DGKB: variants seen among roughly 807,000 people sequenced by gnomAD.
DGKB encodes 90 kDa diacylglycerol kinase.
Under a neutral mutation model 114.3 loss-of-function variants are expected in DGKB, and 67 were observed. That is an observed-to-expected ratio of 0.59 (90% CI 0.48 to 0.72). The LOEUF is 0.72. DGKB is among the 30% of genes least tolerant of loss of function. The pLI is 0.00. For missense variants in DGKB, 907 were observed against 975.2 expected, an observed-to-expected ratio of 0.93 and a Z score of 0.93; for synonymous variants, 398 against 323.1, an observed-to-expected ratio of 1.23 and a Z score of -2.49.
chr7:14,668,520 T>G (rs1010041666), intron 13 of DGKB, among the ~76,000 whole-genome samples: 3 of 152,108 alleles, frequency 2.0e-5, no homozygotes, highest in Non-Finnish European at 4.4e-5. Flanking sequence ...TGTTTCTCAG[T>G]TTCCTCATAT....
At chr7:14,485,626 C>A (rs1055411999) in intron 20 of DGKB, among the ~76,000 whole-genome samples, 1 of 151,608 alleles carries the variant, frequency 6.6e-6, no homozygotes, top group African/African-American at 2.4e-5. Flanking sequence ...TGGCCGGGTG[C>A]GGTGGCTCAC....
At chr7:14,264,929 A>C (rs1797270856) in intron 23 of DGKB, among the ~76,000 whole-genome samples, 1 of 152,206 alleles carries the variant, frequency 6.6e-6, no homozygotes, top group African/African-American at 2.4e-5. Context: ...TAAATAACTG[A>C]AACAAAGACT....
At chr7:14,936,401 C>A (rs1165584209) in intron 1 of DGKB, among the ~76,000 whole-genome samples, 1 of 152,042 alleles carries the variant, frequency 6.6e-6, no homozygotes, top group Non-Finnish European at 1.5e-5. Context: ...TACACTGTCC[C>A]CAGTTTTAGA....
At chr7:14,406,466 T>C (rs1447417135) in intron 21 of DGKB, among the ~76,000 whole-genome samples, 1 of 151,944 alleles carries the variant, frequency 6.6e-6, no homozygotes, top group African/African-American at 2.4e-5. Context: ...AATGAAGATA[T>C]TAGAAAAAAG....
intron 21 of DGKB, among the ~76,000 whole-genome samples, chr7:14,461,039 T>C (rs1047296858): frequency 6.6e-6 from 1 of 152,134 alleles, no homozygotes; most frequent in African/African-American, 2.4e-5. Flanking sequence ...ATAAATAATT[T>C]CTTTGAAATC....
chr7:14,794,654 CT>C (rs1314473643), intron 2 of DGKB, among the ~76,000 whole-genome samples: 1 of 152,136 alleles, frequency 6.6e-6, no homozygotes, highest in African/African-American at 2.4e-5. Flanking sequence ...AGAGCATTAT[CT>C]TGCAACTGGC....
At chr7:14,963,336 G>C (rs192559023) in intron 1 of DGKB, among the ~76,000 whole-genome samples, 2 of 152,154 alleles carry the variant, frequency 1.3e-5, no homozygotes, top group East Asian at 3.9e-4. Context: ...ACAAAAGATG[G>C]GAAGTATGGT....
intron 2 of DGKB, among the ~76,000 whole-genome samples, chr7:14,779,988 T>C (rs1467505096): frequency 6.6e-6 from 1 of 152,154 alleles, no homozygotes; most frequent in African/African-American, 2.4e-5. Context: ...TCCATGGAGA[T>C]TCCTCTTCTT....
chr7:14,952,157 G>A (rs1393485270), intron 1 of DGKB, among the ~76,000 whole-genome samples: 1 of 152,012 alleles, frequency 6.6e-6, no homozygotes, highest in Admixed American at 6.6e-5. Flanking sequence ...GAAGAATGGA[G>A]TTATACTGGT....
At chr7:14,622,239 T>A (rs1425719925) in intron 14 of DGKB, among the ~76,000 whole-genome samples, 2 of 152,072 alleles carry the variant, frequency 1.3e-5, no homozygotes, top group Non-Finnish European at 2.9e-5. Context: ...TCACGTGGCT[T>A]CCAGGACACT....
intron 23 of DGKB, among the ~76,000 whole-genome samples, chr7:14,297,818 C>T (rs1401081946): frequency 1.3e-5 from 2 of 152,136 alleles, no homozygotes; most frequent in Non-Finnish European, 2.9e-5. Flanking sequence ...ATCATCTCAG[C>T]CCCAAATCTC....
chr7:14,202,089 C>A (rs1253283931), intron 23 of DGKB, among the ~76,000 whole-genome samples: 1 of 151,898 alleles, frequency 6.6e-6, no homozygotes, highest in Non-Finnish European at 1.5e-5. Context: ...ATAAAGGTAA[C>A]CATTAATGGA....
chr7:14,537,469 A>G lies in DGKB; in HGVS notation c.1770+36743T>C, dbSNP rs758913805. Among the ~76,000 whole-genome samples, 388 of 152,316 alleles carry G rather than the reference A, an allele frequency of 2.5e-3. 3 individuals are homozygous for G. The highest frequency in any genetic ancestry group is 2.6e-3 in the Non-Finnish European group (174 of 68,030). On this transcript the variant is annotated intron_variant, in intron 20 of 25. Transcript: ENST00000402815. ...AGCAATGGAACACAATAGAGAGCCC[A>G]GAAGTGAAGCCACAAATATACAGTC...
chr7:14,512,023 A>G (rs1365739147), intron 20 of DGKB, among the ~76,000 whole-genome samples: 1 of 151,918 alleles, frequency 6.6e-6, no homozygotes, highest in Non-Finnish European at 1.5e-5. Context: ...CAGATATAAT[A>G]ATGAAAATAT....
At chr7:14,654,492 C>G (rs1007094131) in intron 13 of DGKB, among the ~76,000 whole-genome samples, 4 of 151,888 alleles carry the variant, frequency 2.6e-5, no homozygotes, top group African/African-American at 9.7e-5. Context: ...AATGTAATCC[C>G]TATTAAAAAT....
intron 19 of DGKB, among the ~76,000 whole-genome samples, chr7:14,575,988 T>C (rs1464901789): frequency 1.3e-5 from 2 of 152,170 alleles, no homozygotes; most frequent in Non-Finnish European, 2.9e-5. Context: ...TAGAAATACC[T>C]CTTCTGGAGC....
chr7:14,495,934 GAC>G, intron 20 of DGKB, among the ~76,000 whole-genome samples: 1 of 151,832 alleles, frequency 6.6e-6, no homozygotes, highest in Admixed American at 6.6e-5. Context: ...AAAAAAAAGA[GAC>G]AAGCTTCAGG....
intron 13 of DGKB, among the ~76,000 whole-genome samples, chr7:14,661,154 C>T (rs190290476): frequency 1.1e-4 from 16 of 152,124 alleles, no homozygotes; most frequent in East Asian, 3.9e-4. Flanking sequence ...GCAAGGACTT[C>T]GTGTCTAAAA....
At chr7:14,657,803 A>G (rs1167604021) in intron 13 of DGKB, among the ~76,000 whole-genome samples, 2 of 151,930 alleles carry the variant, frequency 1.3e-5, no homozygotes, top group African/African-American at 4.8e-5. Flanking sequence ...AGATTTGAAT[A>G]TCTCCCACCC....
Sources: gnomAD v4.1 joint callset for allele counts (sites outside exome capture counted in the v4.1 genomes callset) on GRCh38, gnomAD v4.1.1 for gene constraint, MANE v1.5 for transcripts, NCBI Gene and HGNC (gene_info 2026-07-23, HGNC 2026-07-21) for gene names.